CSGALNACT1: variants seen among roughly 807,000 people sequenced by gnomAD.
CSGALNACT1 encodes beta4GalNAcT-1.
In CSGALNACT1, 52 loss-of-function variants were observed where a neutral mutation model predicts 51.0. The ratio of observed to expected loss-of-function variants is 1.02; its 90% CI spans 0.82 to 1.29. CSGALNACT1 has a LOEUF of 1.29. CSGALNACT1 is among the 50% of genes most tolerant of loss of function. CSGALNACT1 has a pLI of 0.00. For synonymous variants in CSGALNACT1, 341 were observed against 254.4 expected (o/e 1.34, Z -3.24); for missense variants, 935 against 679.2 (o/e 1.38, Z -4.19).
At chr8:19,488,186 T>C (rs746375730) in intron 4 of CSGALNACT1, among the ~76,000 whole-genome samples, 3 of 151,448 alleles carry the variant, frequency 2.0e-5, no homozygotes, top group Non-Finnish European at 2.9e-5. Context: ...TCCATCTCTA[T>C]TGAAAATACA....
At chr8:19,493,686 T>C (rs2074870843) in intron 4 of CSGALNACT1, among the ~76,000 whole-genome samples, 2 of 152,230 alleles carry the variant, frequency 1.3e-5, no homozygotes, top group South Asian at 4.1e-4. Flanking sequence ...TTTCTTTCTA[T>C]GGCCAAATAA....
At chr8:19,635,013 A>C (rs377081568) in intron 1 of CSGALNACT1, among the ~76,000 whole-genome samples, 1 of 152,220 alleles carries the variant, frequency 6.6e-6, no homozygotes, top group Non-Finnish European at 1.5e-5. Context: ...AGGTCATGTT[A>C]AATGTTTTAA....
chr8:19,600,829 GA>G lies in CSGALNACT1; in HGVS notation c.-416+941del, dbSNP rs568732433. Among the ~76,000 whole-genome samples the G allele has an allele frequency of 5.9e-3, 805 of 136,452 alleles. 5 individuals are homozygous for G. The highest frequency in any genetic ancestry group is 0.012 in the African/African-American group (456 of 37,604). The allele number at this position is 136,452 out of a possible 152,430, so 89.5% of individuals were successfully genotyped here. A position where few individuals can be genotyped will look rare whatever the true frequency, so the allele number is the denominator to read the frequency against. ...CTTAATAGTGTGACAAAAGTTTTTGGAAAAAAAAAAAAAGCAAAACCATCAA... is the reference window on the plus strand; with the variant it reads ...CTTAATAGTGTGACAAAAGTTTTTGGAAAAAAAAAAAAGCAAAACCATCAA... On this transcript the variant is annotated intron_variant, in intron 2 of 9. Coordinates refer to ENST00000454498, the Ensembl canonical transcript of CSGALNACT1.
At chr8:19,516,989 G>A (rs951557146) in intron 3 of CSGALNACT1, among the ~76,000 whole-genome samples, 1 of 152,212 alleles carries the variant, frequency 6.6e-6, no homozygotes. Context: ...CTGCCCACCT[G>A]GAGAGGTGGT....
chr8:19,438,973 G>A (rs1238155434), intron 6 of CSGALNACT1, among the ~76,000 whole-genome samples: 1 of 152,126 alleles, frequency 6.6e-6, no homozygotes. Flanking sequence ...TAAATGATAT[G>A]GATCTACTCA....
At chr8:19,691,822 C>T (rs371986249) in intron 1 of CSGALNACT1, among the ~76,000 whole-genome samples, 13 of 152,302 alleles carry the variant, frequency 8.5e-5, no homozygotes, top group African/African-American at 3.1e-4. Context: ...CTGGCAGCAA[C>T]AGCATCATCT....
intron 6 of CSGALNACT1, among the ~76,000 whole-genome samples, chr8:19,421,241 T>C (rs1228968372): frequency 6.8e-6 from 1 of 146,454 alleles, no homozygotes; most frequent in African/African-American, 2.4e-5. Flanking sequence ...GTGCCAAGAG[T>C]ATACAGCACT....
chr8:19,526,470 C>G (rs1018745332), intron 3 of CSGALNACT1, among the ~76,000 whole-genome samples: 1 of 152,148 alleles, frequency 6.6e-6, no homozygotes, highest in Non-Finnish European at 1.5e-5. Flanking sequence ...GTAGTGCCAG[C>G]TACTCGGGAG....
At chr8:19,541,441 A>C (rs1274557585) in intron 3 of CSGALNACT1, among the ~76,000 whole-genome samples, 1 of 148,916 alleles carries the variant, frequency 6.7e-6, no homozygotes, top group Non-Finnish European at 1.5e-5. Flanking sequence ...TTTAGTAGAG[A>C]TGGGGTTTCA....
chr8:19,651,940 G>A (rs746098265), intron 1 of CSGALNACT1, among the ~76,000 whole-genome samples: 1 of 139,352 alleles, frequency 7.2e-6, no homozygotes, highest in Non-Finnish European at 1.6e-5. Flanking sequence ...GTTTTGTTTT[G>A]ACTTTTTTTA....
chr8:19,603,764 G>C (rs1350734653), upstream of CSGALNACT1, among the ~76,000 whole-genome samples: 1 of 152,138 alleles, frequency 6.6e-6, no homozygotes, highest in African/African-American at 2.4e-5. Context: ...TATCCTTCAT[G>C]AATACCCTTG....
chr8:19,509,479 T>C (rs1040055141), intron 3 of CSGALNACT1, among the ~76,000 whole-genome samples: 2 of 151,586 alleles, frequency 1.3e-5, no homozygotes, highest in African/African-American at 4.8e-5. Flanking sequence ...ATTAGTCAGG[T>C]ATCGTGGTGC....
chr8:19,492,963 T>G (rs1468223009), intron 4 of CSGALNACT1, among the ~76,000 whole-genome samples: 2 of 152,100 alleles, frequency 1.3e-5, no homozygotes, highest in Admixed American at 6.5e-5. Flanking sequence ...GGCATATTTG[T>G]GTCTTCCATG....
intron 1 of CSGALNACT1, among the ~76,000 whole-genome samples, chr8:19,617,489 T>A (rs904282578): frequency 5.3e-5 from 8 of 152,208 alleles, no homozygotes; most frequent in Non-Finnish European, 2.9e-5. Context: ...TTTTCTTTAT[T>A]CTATGCTCTC....
chr8:19,755,653 TA>T (rs2065324372), intron 1 of CSGALNACT1, among the ~76,000 whole-genome samples: 2 of 151,978 alleles, frequency 1.3e-5, no homozygotes, highest in Non-Finnish European at 2.9e-5. Context: ...ATGCAATTAA[TA>T]AGTGGAAGAA....
intron 5 of CSGALNACT1, among the ~76,000 whole-genome samples, chr8:19,451,476 A>G (rs1190252754): frequency 6.6e-6 from 1 of 152,244 alleles, no homozygotes; most frequent in African/African-American, 2.4e-5. Flanking sequence ...AATAATGACA[A>G]TAAATAACTT....
At chr8:19,685,806 C>T (rs148674958), upstream of CSGALNACT1, among the ~76,000 whole-genome samples, 359 of 152,218 alleles carry the variant, frequency 2.4e-3, 1 homozygote, top group African/African-American at 7.8e-3. Flanking sequence ...CTTTGACATA[C>T]CAACGAGAAG....
intron 1 of CSGALNACT1, among the ~76,000 whole-genome samples, chr8:19,623,128 CAT>C (rs1485166902): frequency 1.3e-5 from 2 of 152,284 alleles, no homozygotes; most frequent in Admixed American, 6.5e-5. Context: ...GGTTAAAAAA[CAT>C]ATGCAAATAC....
chr8:19,470,711 G>A (rs1231110297), intron 4 of CSGALNACT1, among the ~76,000 whole-genome samples: 1 of 152,042 alleles, frequency 6.6e-6, no homozygotes, highest in Non-Finnish European at 1.5e-5. Context: ...CCACAGAGAG[G>A]CCACTTCCTG....
Sources: allele counts gnomAD v4.1 joint callset (sites outside exome capture counted in the v4.1 genomes callset), GRCh38; gene constraint gnomAD v4.1.1; transcripts MANE v1.5; gene names NCBI Gene and HGNC (gene_info 2026-07-23, HGNC 2026-07-21).